NPAS3: variants seen among roughly 807,000 people sequenced by gnomAD.
NPAS3 encodes neuronal PAS domain protein 3.
In NPAS3, 14 loss-of-function variants were observed where a neutral mutation model predicts 73.1. The observed-to-expected ratio is 0.19, with a 90% CI of 0.13 to 0.30. The LOEUF (loss-of-function observed/expected upper bound fraction) is 0.30. NPAS3 is among the 10% of genes least tolerant of loss of function. The pLI is 1.00. For synonymous variants in NPAS3, 620 were observed against 541.5 expected, an observed-to-expected ratio of 1.14 and a Z score of -2.01; for missense variants, 1,096 against 1,250.0, an observed-to-expected ratio of 0.88 and a Z score of 1.86.
At position 33,351,431 on chromosome 14, in the gene NPAS3, G is replaced by A. The variant is rs111315863; in HGVS notation, c.386-15755G>A. On this transcript the variant is annotated intron_variant, in intron 3 of 11. Transcript: ENST00000356141. The stretch of plus-strand genomic sequence containing the variant: ...TAACCTTTAGGCTGCTACCATTTTT[G>A]TAGTAGGAGTGCTTGGGTATATATG... Among the ~76,000 whole-genome samples the A allele has an allele frequency of 1.6e-3, 245 of 152,286 alleles. 3 individuals carry two copies. Among genetic ancestry groups the A allele is most frequent in the African/African-American group, 5.7e-3 (238 of 41,556 alleles).
chr14:33,009,493 T>C lies in NPAS3; in HGVS notation c.51-46412T>C, dbSNP rs17099875. On this transcript the variant is annotated intron_variant, in intron 1 of 11. Transcript: ENST00000356141. ...GCAGAGAGCATCTTTAGGCATCTAT[T>C]TGGAAGAAGAGCCTAATGTAGTAAT... is the stretch of plus-strand genomic sequence containing the variant. Among the ~76,000 whole-genome samples the C allele has an allele frequency of 3.2e-3, 491 of 152,240 alleles. 5 individuals carry two copies. Among genetic ancestry groups the C allele is most frequent in the African/African-American group, 0.011 (468 of 41,556 alleles).
chr14:33,165,264 A>T (rs981544149), intron 2 of NPAS3, among the ~76,000 whole-genome samples: 1 of 151,816 alleles, frequency 6.6e-6, no homozygotes, highest in African/African-American at 2.4e-5. Flanking sequence ...CTTTAATTGC[A>T]GAAGAGAAGG....
intron 4 of NPAS3, among the ~76,000 whole-genome samples, chr14:33,400,065 G>A (rs1386278881): frequency 6.6e-6 from 1 of 151,916 alleles, no homozygotes; most frequent in African/African-American, 2.4e-5. Flanking sequence ...AAGTTTTTGA[G>A]GCTTATCAGC....
intron 3 of NPAS3, among the ~76,000 whole-genome samples, chr14:33,244,208 T>C (rs185070715): frequency 9.9e-5 from 15 of 152,276 alleles, no homozygotes; most frequent in Admixed American, 9.8e-4. Flanking sequence ...GTTCCCATTG[T>C]TATAATTTGC....
chr14:33,271,897 CTT>C (rs1434879667), intron 3 of NPAS3, among the ~76,000 whole-genome samples: 2 of 151,828 alleles, frequency 1.3e-5, no homozygotes, highest in Non-Finnish European at 2.9e-5. Context: ...TCCTTAATGA[CTT>C]TTTCAAAGAG....
At chr14:33,413,061 G>A (rs1030757457) in intron 4 of NPAS3, among the ~76,000 whole-genome samples, 5 of 152,138 alleles carry the variant, frequency 3.3e-5, no homozygotes, top group African/African-American at 4.8e-5. Flanking sequence ...ATACCAGTAT[G>A]AAAGCTTGCC....
intron 2 of NPAS3, among the ~76,000 whole-genome samples, chr14:33,166,538 T>C (rs2045159214): frequency 6.6e-6 from 1 of 152,160 alleles, no homozygotes; most frequent in Admixed American, 6.5e-5. Context: ...TTTTTTTCCC[T>C]CCATATCCTA....
intron 4 of NPAS3, among the ~76,000 whole-genome samples, chr14:33,538,824 T>C (rs1261833439): frequency 1.3e-5 from 2 of 152,100 alleles, no homozygotes; most frequent in African/African-American, 2.4e-5. Context: ...CTCATAATAA[T>C]TGTAAGACCC....
At chr14:33,560,436 G>T in intron 5 of NPAS3, 4 of 396,254 alleles carry the variant, frequency 1.0e-5, no homozygotes, top group Admixed American at 4.0e-5. Context: ...CACCCCCCAA[G>T]GATCATTATT....
chr14:33,295,116 G>A (rs773049855), intron 3 of NPAS3, among the ~76,000 whole-genome samples: 26 of 152,132 alleles, frequency 1.7e-4, no homozygotes, highest in Non-Finnish European at 3.4e-4. Context: ...ATCCCAAAAC[G>A]TAGCTATGCA....
intron 2 of NPAS3, among the ~76,000 whole-genome samples, chr14:33,170,860 G>A (rs571009273): frequency 2.3e-4 from 35 of 152,204 alleles, no homozygotes; most frequent in African/African-American, 7.9e-4. Context: ...CATCTATGAG[G>A]GTTGGAATCA....
intron 3 of NPAS3, among the ~76,000 whole-genome samples, chr14:33,333,259 T>G (rs1007567513): frequency 1.3e-5 from 2 of 152,192 alleles, no homozygotes; most frequent in African/African-American, 4.8e-5. Context: ...TGAAATAATT[T>G]TATGGATTTA....
chr14:33,569,245 A>G (rs1567014259), intron 5 of NPAS3, among the ~76,000 whole-genome samples: 1 of 152,236 alleles, frequency 6.6e-6, no homozygotes, highest in East Asian at 1.9e-4. Context: ...ATGTGCTGGC[A>G]GATTAAATCT....
intron 5 of NPAS3, among the ~76,000 whole-genome samples, chr14:33,652,921 A>G (rs1221969590): frequency 1.6e-4 from 25 of 152,138 alleles, no homozygotes; most frequent in Admixed American, 1.6e-3. Context: ...TTGGACAGCA[A>G]TCCAATTTAG....
chr14:33,419,845 A>G lies in NPAS3; in HGVS notation c.468+52577A>G, dbSNP rs558289602. 9.2e-5 allele frequency among the ~76,000 whole-genome samples: 14 copies of G among 152,058 alleles called. No individual in the cohort carries two copies. In the South Asian group the frequency reaches 2.5e-3, roughly 27 times the overall value. On this transcript the variant is annotated intron_variant, in intron 4 of 11. Coordinates refer to ENST00000356141, the Ensembl canonical transcript of NPAS3. ...TGTGTGGGAAAGAACTCTTGAGACA[A>G]GTAGGTAAAGTGAGATTGCGGGAGC... is the stretch of plus-strand genomic sequence containing the variant.
intron 3 of NPAS3, among the ~76,000 whole-genome samples, chr14:33,251,871 C>T (rs911563223): frequency 6.6e-6 from 1 of 151,964 alleles, no homozygotes; most frequent in African/African-American, 2.4e-5. Context: ...TTAAAATTTT[C>T]CTCTGCTTTC....
At chr14:33,068,942 TGCTG>T (rs2041379561) in intron 2 of NPAS3, among the ~76,000 whole-genome samples, 1 of 152,098 alleles carries the variant, frequency 6.6e-6, no homozygotes, top group Non-Finnish European at 1.5e-5. Context: ...GCACACGGGA[TGCTG>T]GCGGGCCAGG....
chr14:33,220,397 A>C (rs763709235), intron 3 of NPAS3, among the ~76,000 whole-genome samples: 1 of 152,166 alleles, frequency 6.6e-6, no homozygotes, highest in Non-Finnish European at 1.5e-5. Flanking sequence ...TGGAAATGTG[A>C]TGTATTTGCC....
chr14:33,499,540 C>A (rs1005751436), intron 4 of NPAS3, among the ~76,000 whole-genome samples: 1 of 151,876 alleles, frequency 6.6e-6, no homozygotes. Flanking sequence ...ATTCTGAGAT[C>A]ACTTGTAAGC....
Sources: allele counts gnomAD v4.1 joint callset (sites outside exome capture counted in the v4.1 genomes callset), GRCh38; gene constraint gnomAD v4.1.1; transcripts MANE v1.5; gene names NCBI Gene and HGNC (gene_info 2026-07-23, HGNC 2026-07-21).